Variants in FANCA observed in about 807,000 individuals in gnomAD.
FANCA encodes FA complementation group A, also known as Fanconi anemia group A protein.
Under a neutral mutation model 194.3 loss-of-function variants are expected in FANCA, and 236 were observed. The ratio of observed to expected loss-of-function variants is 1.21; its 90% CI spans 1.09 to 1.35. FANCA has a LOEUF of 1.35. Among genes scored for constraint, FANCA ranks in the 40% most tolerant of loss-of-function variants. FANCA has a pLI of 0.00. For missense variants in FANCA, 2,628 were observed against 1,813.9 expected (o/e 1.45, Z -8.15); for synonymous variants, 1,014 against 715.8 (o/e 1.42, Z -6.65).
In FANCA at chr16:89,789,520, A is replaced by G. The variant is rs1035669142; in HGVS notation, c.1359+1883T>C. 1.4e-5 allele frequency among the ~76,000 whole-genome samples: 2 copies of G among 143,596 alleles called. 1 individual carries two copies. The highest frequency in any genetic ancestry group is 4.4e-4 in the South Asian group (2 of 4,558). 94.2% of individuals were successfully genotyped at this position (143,596 alleles called of 152,430 possible). A position where few individuals can be genotyped will look rare whatever the true frequency, so the allele number is the denominator to read the frequency against. On this transcript the variant is annotated intron_variant, in intron 14 of 42. Coordinates refer to ENST00000389301, the MANE Select transcript of FANCA (RefSeq NM_000135.4). ...TAGTAATGCAATCCCAGCTCAATGC[A>G]GCCTCAACCTCCTCGGCTTAAGTAA...
At position 89,742,169 on chromosome 16, in the gene FANCA, G is replaced by T. The variant is rs555001517; in HGVS notation, c.3765+631C>A. Among the ~76,000 whole-genome samples the T allele has an allele frequency of 3.3e-5, 5 of 152,070 alleles. No homozygotes were observed. In the South Asian group the frequency reaches 1.0e-3, roughly 32 times the overall value. On this transcript the variant is annotated intron_variant, in intron 37 of 42. Transcript: ENST00000389301. Reference sequence around the variant, plus strand: ...TTTTTGTGTTTTTAGTAGAGACAGGGTTTCACCATGTTGCCCAAGCTGGTC... The same window carrying T: ...TTTTTGTGTTTTTAGTAGAGACAGGTTTTCACCATGTTGCCCAAGCTGGTC...
At position 89,739,459 on chromosome 16, in the gene FANCA, GC is replaced by G. The variant is rs1349248565; in HGVS notation, c.4010+18del. 24 of 1,551,852 alleles carry G rather than the reference GC, an allele frequency of 1.5e-5. No individual in the cohort carries two copies. The highest frequency in any genetic ancestry group is 6.8e-5 in the African/African-American group (5 of 73,124). On this transcript the variant is annotated intron_variant, in intron 40 of 42. Coordinates refer to ENST00000389301, the MANE Select transcript of FANCA (RefSeq NM_000135.4). ...GGGAAACACTGCCCAGCCCTGACCAGCCCTGTGGGTGGAGGTACCTGTAAAA... is the reference window on the plus strand; with the variant it reads ...GGGAAACACTGCCCAGCCCTGACCAGCCTGTGGGTGGAGGTACCTGTAAAA...
rs17226456 is a variant in FANCA, at chr16:89,775,628, G to C, written c.1900+114C>G. Reference sequence around the variant, plus strand: ...GACCCTGTACCCAAAGCACCGGCTTGAGCTGGCACAGCCACCCCCGAGCTC... The same window carrying C: ...GACCCTGTACCCAAAGCACCGGCTTCAGCTGGCACAGCCACCCCCGAGCTC... On this transcript the variant is annotated intron_variant, in intron 21 of 42. Coordinates refer to ENST00000389301, the MANE Select transcript of FANCA (RefSeq NM_000135.4). 1.1e-3 allele frequency: 945 copies of C among 832,714 alleles called. 4 individuals carry two copies. The African/African-American group carries it at 0.014, about 13-fold the overall frequency. 51.6% of individuals were successfully genotyped at this position (832,714 alleles called of 1,614,324 possible). A position where few individuals can be genotyped will look rare whatever the true frequency, so the allele number is the denominator to read the frequency against.
chr16:89,785,355 A>C (rs1007334074), intron 14 of FANCA, among the ~76,000 whole-genome samples: 1 of 152,226 alleles, frequency 6.6e-6, no homozygotes, highest in Non-Finnish European at 1.5e-5. Context: ...AAATGCCCTA[A>C]GAAGTGTTTG....
At position 89,784,807 on chromosome 16, in the gene FANCA, G is replaced by A. The variant is rs1335624386; in HGVS notation, c.1470+47C>T. The A allele has an allele frequency of 3.5e-6, 5 of 1,442,538 alleles. No homozygotes were observed. The African/African-American group carries it at 5.6e-5, about 16-fold the overall frequency. The allele number at this position is 1,442,538 out of a possible 1,614,324, so 89.4% of individuals were successfully genotyped here. A position where few individuals can be genotyped will look rare whatever the true frequency, so the allele number is the denominator to read the frequency against. On this transcript the variant is annotated intron_variant, in intron 15 of 42. Transcript: ENST00000389301. ...GCCAAGGCAGTCCTCAGATGCAGCA[G>A]GTGAGCGAAGCACCAGAAATCATGG...
Position 89,738,320 on chromosome 16 carries a change from C to T in FANCA, c.*281G>A. ...CTGTGTCAGCCTCACCCTTCGTGTGCACCCGCATGGGAGGGTCGGAGGGTG... is the reference window on the plus strand; with the variant it reads ...CTGTGTCAGCCTCACCCTTCGTGTGTACCCGCATGGGAGGGTCGGAGGGTG... On this transcript the variant is annotated 3_prime_UTR_variant, in exon 43 of 43. Transcript: ENST00000389301. 5 of 1,516,814 alleles carry T rather than the reference C, an allele frequency of 3.3e-6. No individual in the cohort carries two copies. The highest frequency in any genetic ancestry group is 3.5e-6 in the Non-Finnish European group (4 of 1,133,212). 94.0% of individuals were successfully genotyped at this position (1,516,814 alleles called of 1,614,324 possible).
intron 31 of FANCA, among the ~76,000 whole-genome samples, chr16:89,750,742 C>T (rs2038559181): frequency 6.6e-6 from 1 of 152,084 alleles, no homozygotes; most frequent in Admixed American, 6.6e-5. Context: ...CACTGCACTC[C>T]AGAGCAAGAC....
rs1287838945 is a variant in FANCA, at chr16:89,799,116, G to T, written c.893+50C>A. ...TAAAATATCTTGGCTCTTTAATTTGGCAGACACCTCCCTGCTGCACACTCA... is the reference window on the plus strand; with the variant it reads ...TAAAATATCTTGGCTCTTTAATTTGTCAGACACCTCCCTGCTGCACACTCA... On this transcript the variant is annotated intron_variant, in intron 10 of 42. Transcript: ENST00000389301. 3 of 1,613,968 alleles carry T rather than the reference G, an allele frequency of 1.9e-6. No individual in the cohort carries two copies. In the African/African-American group the frequency reaches 4.0e-5, roughly 22 times the overall value.
intron 29 of FANCA, among the ~76,000 whole-genome samples, chr16:89,761,458 G>A (rs552019298): frequency 1.5e-3 from 227 of 147,384 alleles, no homozygotes; most frequent in Non-Finnish European, 2.7e-3. Flanking sequence ...AATTGCCACC[G>A]CGTGGAAGCT....
rs771047848 is a variant in FANCA at position 89,791,432 on chromosome 16, C to T, written c.1330G>A (p.Ala444Thr). The change falls in exon 14 of 43, where the codon GCG (alanine) becomes ACG (threonine). Residue 444 changes from alanine to threonine, a missense_variant. Physicochemically the swap from Ala to Thr is moderately conservative, Grantham distance 58. Transcript: ENST00000389301. Reference sequence around the variant, plus strand: ...AACCAGTCTGCATATGACAGGAACGCAGAGGGGCCCTCCAGTGCTGCCTGG... The same window carrying T: ...AACCAGTCTGCATATGACAGGAACGTAGAGGGGCCCTCCAGTGCTGCCTGG... ...VRQAALEGPS[A>T]FLSYADWFKA... The T allele has an allele frequency of 1.2e-6, 2 of 1,614,134 alleles. No individual in the cohort carries two copies. The highest frequency in any genetic ancestry group is 1.6e-4 in the Middle Eastern group (1 of 6,062).
rs750321438 is a variant in FANCA at position 89,799,244 on chromosome 16, G to C, written c.827-12C>G. On this transcript the variant is annotated splice_polypyrimidine_tract_variant and intron_variant, in intron 9 of 42. Coordinates refer to ENST00000389301, the MANE Select transcript of FANCA (RefSeq NM_000135.4). ...AGCGTCAAGTGCAACTGAAGACAGA[G>C]CCAGGAACAGAAAACAGATGTCAGC... The C allele has an allele frequency of 1.2e-6, 2 of 1,613,780 alleles. No homozygotes were observed. Among genetic ancestry groups the C allele is most frequent in the South Asian group, 1.1e-5 (1 of 91,070 alleles).
chr16:89,769,781 A>T, intron 26 of FANCA, 56 bp downstream of exon 26: 1 of 1,584,008 alleles, frequency 6.3e-7, no homozygotes, highest in Non-Finnish European at 8.6e-7. Flanking sequence ...TCAAACGAGC[A>T]TGTGTCACTT....
chr16:89,747,441 C>G (rs775480229), intron 33 of FANCA, among the ~76,000 whole-genome samples: 3 of 152,240 alleles, frequency 2.0e-5, no homozygotes, highest in Non-Finnish European at 4.4e-5. Context: ...GGGCTCACAC[C>G]TGTAATCCCA....
chr16:89,814,672 G>C, intron 2 of FANCA, 59 bp from the exon 3 acceptor site: 3 of 1,241,536 alleles, frequency 2.4e-6, no homozygotes, highest in Admixed American at 3.4e-5. Context: ...GCCAGGCGTA[G>C]TGGCTCACGC....
intron 33 of FANCA, 111 bp downstream of exon 33, chr16:89,748,548 C>A: frequency 1.1e-6 from 1 of 888,770 alleles, no homozygotes; most frequent in Admixed American, 2.0e-5. Flanking sequence ...TGACTTTGAA[C>A]CCTTTCCTCA....
chr16:89,775,664 T>C (rs761445370), intron 21 of FANCA, 78 bp downstream of exon 21: 19 of 1,209,490 alleles, frequency 1.6e-5, no homozygotes, highest in Non-Finnish European at 2.3e-5. Flanking sequence ...ACTCGGGTGG[T>C]GTAGCACAAC....
rs748337423 is a variant in FANCA at position 89,792,482 on chromosome 16, G to C, written c.1072C>G (p.Leu358Val). Residue 358 changes from leucine to valine, a missense_variant, in exon 12 of 43, where the codon CTG becomes GTG. Transcript: ENST00000389301. ...FARTHPLLTSLYRRLFVMLSA... is the reference protein window; with the variant it reads ...FARTHPLLTSVYRRLFVMLSA... ...CCACATCCACTCACCCTGCGGTACA[G>C]TGAGGTGAGCAGAGGGTGTGTCCGC... 8 of 1,613,308 alleles carry C rather than the reference G, an allele frequency of 5.0e-6. No homozygotes were observed. The East Asian group carries it at 1.1e-4, about 22-fold the overall frequency.
chr16:89,739,955 C>CG, intron 39 of FANCA, 39 bp downstream of exon 39: 1 of 1,611,002 alleles, frequency 6.2e-7, no homozygotes, highest in Non-Finnish European at 8.5e-7. Context: ...CTGAAAAGAG[C>CG]GGCCCTCCGC....
intron 14 of FANCA, among the ~76,000 whole-genome samples, chr16:89,787,268 G>A (rs997111379): frequency 5.9e-5 from 9 of 152,052 alleles, no homozygotes; most frequent in Non-Finnish European, 1.2e-4. Flanking sequence ...TAGCGCCTGT[G>A]ATCCCAACAC....
Sources: gnomAD v4.1 joint callset for allele counts (sites outside exome capture counted in the v4.1 genomes callset) on GRCh38, gnomAD v4.1.1 for gene constraint, MANE v1.5 for transcripts, NCBI Gene and HGNC (gene_info 2026-07-23, HGNC 2026-07-21) for gene names.